The following IP6K2 variants were observed in gnomAD, a reference collection of about 807,000 sequenced individuals.
IP6K2 encodes the protein inositol hexakisphosphate kinase 2, also known as ATP:1D-myo-inositol-hexakisphosphate phosphotransferase.
In IP6K2, 9 loss-of-function variants were observed where a neutral mutation model predicts 43.3. That is an observed-to-expected ratio of 0.21 (90% CI 0.13 to 0.36). The LOEUF (loss-of-function observed/expected upper bound fraction) is 0.36. Ranked by LOEUF, IP6K2 falls within the 10% of genes least tolerant of loss-of-function variation. The pLI is 1.00. For missense variants in IP6K2, 332 were observed against 538.4 expected, an observed-to-expected ratio of 0.62 and a Z score of 3.79; for synonymous variants, 209 against 202.4, an observed-to-expected ratio of 1.03 and a Z score of -0.28.
chr3:48,703,400 C>T (rs1001283589), intron 1 of IP6K2, among the ~76,000 whole-genome samples: 3 of 152,092 alleles, frequency 2.0e-5, no homozygotes, highest in African/African-American at 4.8e-5. Context: ...GTTGCTAAAT[C>T]GTCACTAAAA....
At chr3:48,707,998 C>A (rs1489725859) in intron 1 of IP6K2, 1 of 152,078 alleles carries the variant, frequency 6.6e-6, no homozygotes, top group African/African-American at 2.4e-5. Flanking sequence ...GTAAAGGGAA[C>A]AGGAAGAAGG....
intron 2 of IP6K2, chr3:48,693,999 G>A: frequency 1.2e-5 from 17 of 1,374,562 alleles, no homozygotes; most frequent in South Asian, 7.3e-5. Flanking sequence ...ACAAACGACT[G>A]GCTGAACACC....
intron 2 of IP6K2, chr3:48,693,809 G>A (rs895505949): frequency 4.7e-5 from 51 of 1,081,420 alleles, no homozygotes; most frequent in Middle Eastern, 4.3e-4. Context: ...GCAGTCTCAC[G>A]TCACAAAATA....
intron 1 of IP6K2, among the ~76,000 whole-genome samples, chr3:48,699,109 G>C (rs2078736447): frequency 6.6e-6 from 1 of 152,100 alleles, no homozygotes; most frequent in Non-Finnish European, 1.5e-5. Context: ...TCTAGAGTGT[G>C]GCTCAAGAGC....
At chr3:48,701,257 T>C (rs2078998685) in intron 1 of IP6K2, among the ~76,000 whole-genome samples, 1 of 152,024 alleles carries the variant, frequency 6.6e-6, no homozygotes, top group South Asian at 2.1e-4. Flanking sequence ...AAGTATGTAT[T>C]ATTTTAATAA....
intron 5 of IP6K2, among the ~76,000 whole-genome samples, chr3:48,689,077 G>C (rs971689011): frequency 7.2e-5 from 11 of 152,226 alleles, no homozygotes; most frequent in Admixed American, 2.6e-4. Flanking sequence ...CAGCCAACCA[G>C]ACCAATCTGA....
intron 2 of IP6K2, chr3:48,693,589 C>A: frequency 8.5e-7 from 1 of 1,174,066 alleles, no homozygotes; most frequent in Non-Finnish European, 1.1e-6. Context: ...TGCTTTAAAG[C>A]AGAGCCTGAA....
At chr3:48,691,521 T>C in intron 3 of IP6K2, 39 bp from the exon 4 acceptor site, 2 of 1,495,262 alleles carry the variant, frequency 1.3e-6, no homozygotes, top group Non-Finnish European at 1.8e-6. Context: ...GTATGTCTTA[T>C]CAGAATTCAG....
At chr3:48,715,326 G>T in intron 1 of IP6K2, 1 of 1,536,094 alleles carries the variant, frequency 6.5e-7, no homozygotes. Context: ...TCAGTAAGCT[G>T]GCCTCAGGGA....
Position 48,696,208 on chromosome 3 carries a change from C to T in IP6K2, c.-130-787G>A, listed in dbSNP as rs77362799. On this transcript the variant is annotated intron_variant, in intron 1 of 5. Transcript: ENST00000328631. ...CCATTAATTATATTTTTATAAAATG[C>T]ATTTAAATACAGGGAAAACCTGCTT... is the stretch of plus-strand genomic sequence containing the variant. Among the ~76,000 whole-genome samples, 1,242 of 152,028 alleles carry T rather than the reference C, an allele frequency of 8.2e-3. 20 individuals carry two copies. Among genetic ancestry groups the T allele is most frequent in the African/African-American group, 0.029 (1,199 of 41,448 alleles).
intron 1 of IP6K2, among the ~76,000 whole-genome samples, chr3:48,715,929 CA>C (rs11391893): frequency 1.4e-3 from 201 of 141,734 alleles, no homozygotes; most frequent in Middle Eastern, 3.6e-3. Flanking sequence ...AACTTTTTCT[CA>C]AAAAAAAAAA....
rs772553633 is a variant in IP6K2, at chr3:48,695,513, A to T, written c.-130-92T>A. ...CCCTGCTCCTTCAGCAGAAAGACAA[A>T]GACAAACAGTCTGAGTTCTTGCGGG... On this transcript the variant is annotated intron_variant, in intron 1 of 5. Transcript: ENST00000328631. This position sits in a 1 kb window ranked among gnomAD's most constrained non-coding sequence, Gnocchi z 4.6. 2.8e-4 allele frequency: 366 copies of T among 1,299,338 alleles called. 1 individual carries two copies. Among genetic ancestry groups the T allele is most frequent in the Non-Finnish European group, 3.4e-4 (347 of 1,022,178 alleles). 80.5% of individuals were successfully genotyped at this position (1,299,338 alleles called of 1,614,324 possible).
At chr3:48,689,743 G>A in intron 4 of IP6K2, 30 bp from the exon 5 acceptor site, 1 of 1,601,318 alleles carries the variant, frequency 6.2e-7, no homozygotes. Context: ...ACCCCCAAAA[G>A]GAAGTGCTAC....
rs1300001545 is a variant in IP6K2, at chr3:48,702,643, C to T, written c.-130-7222G>A. 6.6e-5 allele frequency among the ~76,000 whole-genome samples: 10 copies of T among 152,104 alleles called. No individual in the cohort carries two copies. The East Asian group carries it at 1.7e-3, about 26-fold the overall frequency. On this transcript the variant is annotated intron_variant, in intron 1 of 5. Coordinates refer to ENST00000328631, the MANE Select transcript of IP6K2 (RefSeq NM_016291.4). Reference sequence around the variant, plus strand: ...TCATCTCTTTAATGGGATCTTCAGCCACTCTATCTAAAAGTGAGTGCCACT... The same window carrying T: ...TCATCTCTTTAATGGGATCTTCAGCTACTCTATCTAAAAGTGAGTGCCACT...
chr3:48,694,973 G>A (rs1485012887), intron 2 of IP6K2, 117 bp downstream of exon 2: 2 of 1,597,714 alleles, frequency 1.3e-6, no homozygotes, highest in Non-Finnish European at 1.7e-6. Flanking sequence ...GAGAGGGAGG[G>A]AAAGCACAGA....
At chr3:48,715,865 T>C (rs907065834) in intron 1 of IP6K2, among the ~76,000 whole-genome samples, 9 of 150,862 alleles carry the variant, frequency 6.0e-5, no homozygotes, top group Non-Finnish European at 1.0e-4. Flanking sequence ...AATGACAATG[T>C]CAGACAAGAC....
intron 1 of IP6K2, among the ~76,000 whole-genome samples, chr3:48,699,049 C>T (rs2078728609): frequency 6.6e-6 from 1 of 152,156 alleles, no homozygotes; most frequent in Non-Finnish European, 1.5e-5. Flanking sequence ...GTATGTCTTA[C>T]CCATCCCCAC....
chr3:48,705,909 T>TA (rs11464060), intron 1 of IP6K2, among the ~76,000 whole-genome samples: 91,646 of 146,202 alleles, frequency 0.63, 29,545 homozygotes, highest in East Asian at 0.95. Context: ...TAAAATAAAA[T>TA]AAAAAAAAAC....
chr3:48,702,580 A>T (rs2079183014), intron 1 of IP6K2, among the ~76,000 whole-genome samples: 1 of 152,004 alleles, frequency 6.6e-6, no homozygotes, highest in African/African-American at 2.4e-5. Context: ...AGCAGCTCTG[A>T]CTACAGGCGT....
Sources: allele counts gnomAD v4.1 joint callset (sites outside exome capture counted in the v4.1 genomes callset), GRCh38; gene constraint gnomAD v4.1.1; non-coding constraint Gnocchi (gnomAD v3.1); transcripts MANE v1.5; gene names NCBI Gene and HGNC (gene_info 2026-07-23, HGNC 2026-07-21).